KIF13A: variants seen among roughly 807,000 people sequenced by gnomAD.
The protein encoded by KIF13A is kinesin-like protein KIF13A.
KIF13A carries 79 observed loss-of-function variants against 212.2 expected under a neutral mutation model. That is an observed-to-expected ratio of 0.37 (90% CI 0.31 to 0.45). The LOEUF (loss-of-function observed/expected upper bound fraction) is 0.45, where lower values mean the gene tolerates loss of function less well. Among genes scored for constraint, KIF13A ranks in the 20% least tolerant of loss-of-function variants. KIF13A has a pLI of 1.00. For missense variants in KIF13A, 1,901 were observed against 2,209.0 expected (o/e 0.86, Z 2.79); for synonymous variants, 789 against 808.6 (o/e 0.98, Z 0.41).
intron 2 of KIF13A, among the ~76,000 whole-genome samples, chr6:17,943,537 C>T (rs188432901): frequency 1.7e-4 from 26 of 151,910 alleles, no homozygotes; most frequent in Admixed American, 8.5e-4. Flanking sequence ...TGTGAACCAC[C>T]GCACCCAGCC....
At position 17,856,184 on chromosome 6, in the gene KIF13A, G is replaced by T; in HGVS notation, c.221-62C>A. On this transcript the variant is annotated intron_variant, in intron 4 of 38. Transcript: ENST00000259711. The surrounding 1 kb of genome is among the most constrained non-coding windows in gnomAD (Gnocchi z 4.5). ...GAATAATTTTTCTTGACATATTTGTGTTAGTAACAATATTATGTCAATTCA... is the reference window on the plus strand; with the variant it reads ...GAATAATTTTTCTTGACATATTTGTTTTAGTAACAATATTATGTCAATTCA... 1 of 1,153,414 alleles carries T rather than the reference G, an allele frequency of 8.7e-7. No homozygotes were observed. Among genetic ancestry groups the T allele is most frequent in the Non-Finnish European group, 1.3e-6 (1 of 784,312 alleles). 71.4% of individuals were successfully genotyped at this position (1,153,414 alleles called of 1,614,324 possible). A position where few individuals can be genotyped will look rare whatever the true frequency, so the allele number is the denominator to read the frequency against.
At chr6:17,983,658 T>A (rs111539042) in intron 2 of KIF13A, among the ~76,000 whole-genome samples, 1,813 of 152,094 alleles carry the variant, frequency 0.012, 29 homozygotes, top group African/African-American at 0.042. Flanking sequence ...CGGCTAATTT[T>A]TATATTTTTA....
rs541125345 is a variant in KIF13A at position 17,799,334 on chromosome 6, C to T, written c.2722G>A (p.Val908Met). The part of the protein sequence containing the change: ...QCESTVAAPV[V>M]DPEVPSPQSK... ...TGTGGTGAAGGCACCTCGGGGTCCA[C>T]CACCGGGGCAGCCACCGTAGACTCA... The change falls in exon 22 of 39, where the codon GTG becomes ATG. Residue 908 changes from valine (V) to methionine (M), a missense_variant. By Grantham distance (21) the Val-to-Met change is conservative. Around this residue, in one of 5 missense-constraint regions of KIF13A, gnomAD observed 534 missense variants for 536.9 expected, o/e 0.99. Coordinates refer to ENST00000259711, the MANE Select transcript of KIF13A (RefSeq NM_022113.6). This position sits in a 1 kb window ranked among gnomAD's most constrained non-coding sequence, Gnocchi z 4.4. 113 of 1,613,302 alleles carry T rather than the reference C, an allele frequency of 7.0e-5. 3 individuals are homozygous for T. In the South Asian group the frequency reaches 1.2e-3, roughly 17 times the overall value.
At position 17,873,092 on chromosome 6, in the gene KIF13A, A is replaced by G. The variant is rs185469501; in HGVS notation, c.220+285T>C. On this transcript the variant is annotated intron_variant, in intron 4 of 38. Coordinates refer to ENST00000259711, the MANE Select transcript of KIF13A (RefSeq NM_022113.6). ...GGAAAGCCTATGGTCATAAATTATA[A>G]AACAGCAGTCATTTGTGTTGGATGG... Among the ~76,000 whole-genome samples the G allele has an allele frequency of 1.0e-3, 157 of 152,342 alleles. 1 individual carries two copies. The highest frequency in any genetic ancestry group is 3.4e-3 in the African/African-American group (141 of 41,576).
rs61281213 is a variant in KIF13A at position 17,833,014 on chromosome 6, C to CAA, written c.1266+945_1266+946dup. ...GGGCGACAGAGAGAGACTCTGTCTG[C>CAA]AAAAAAAAAAAAAAAAAAAAAAAAA... On this transcript the variant is annotated intron_variant, in intron 12 of 38. Coordinates refer to ENST00000259711, the MANE Select transcript of KIF13A (RefSeq NM_022113.6). Among the ~76,000 whole-genome samples the CAA allele has an allele frequency of 8.6e-4, 65 of 75,386 alleles. 7 individuals are homozygous for CAA. The highest frequency in any genetic ancestry group is 9.6e-4 in the Non-Finnish European group (40 of 41,754). 49.5% of individuals were successfully genotyped at this position (75,386 alleles called of 152,430 possible).
chr6:17,831,451 C>G (rs1026342693), intron 12 of KIF13A, among the ~76,000 whole-genome samples: 1 of 151,690 alleles, frequency 6.6e-6, no homozygotes, highest in East Asian at 1.9e-4. Flanking sequence ...CATTTTGGCT[C>G]TTAAGGAGCT....
At chr6:17,880,177 T>C (rs1211603638) in intron 3 of KIF13A, among the ~76,000 whole-genome samples, 1 of 152,088 alleles carries the variant, frequency 6.6e-6, no homozygotes, top group African/African-American at 2.4e-5. Context: ...TAGTCTCGAA[T>C]TCTCCTAGCC....
chr6:17,913,126 A>T (rs1335313335), intron 2 of KIF13A, among the ~76,000 whole-genome samples: 3 of 151,824 alleles, frequency 2.0e-5, no homozygotes, highest in Non-Finnish European at 4.4e-5. Context: ...TATTTTAAGC[A>T]TCTTGTAGCT....
intron 9 of KIF13A, among the ~76,000 whole-genome samples, chr6:17,841,960 C>T (rs887599771): frequency 6.6e-6 from 1 of 151,406 alleles, no homozygotes; most frequent in African/African-American, 2.4e-5. Flanking sequence ...CACACACACA[C>T]ATACATGTAA....
At position 17,838,160 on chromosome 6, in the gene KIF13A, A is replaced by G. The variant is rs1439291936; in HGVS notation, c.831-577T>C. On this transcript the variant is annotated intron_variant, in intron 9 of 38. Transcript: ENST00000259711. This position sits in a 1 kb window ranked among gnomAD's most constrained non-coding sequence, Gnocchi z 4.2. ...AACATGGTGAAACCCCATCTCTACT[A>G]AAAATACAAAAATTGCCAGGCGTGG... is the stretch of plus-strand genomic sequence containing the variant. Among the ~76,000 whole-genome samples the G allele has an allele frequency of 2.6e-5, 4 of 151,854 alleles. No homozygotes were observed. The highest frequency in any genetic ancestry group is 9.7e-5 in the African/African-American group (4 of 41,296).
At chr6:17,894,590 C>T (rs1475442212) in intron 3 of KIF13A, among the ~76,000 whole-genome samples, 1 of 152,048 alleles carries the variant, frequency 6.6e-6, no homozygotes, top group Non-Finnish European at 1.5e-5. Flanking sequence ...TCCCCACTCC[C>T]TACTGTTAAG....
intron 2 of KIF13A, among the ~76,000 whole-genome samples, chr6:17,941,723 C>T (rs1776970049): frequency 6.6e-6 from 1 of 151,406 alleles, no homozygotes; most frequent in Non-Finnish European, 1.5e-5. Flanking sequence ...AACATGGGTA[C>T]CCATGTTGAA....
At chr6:17,866,892 T>C (rs537533739) in intron 4 of KIF13A, among the ~76,000 whole-genome samples, 1 of 146,070 alleles carries the variant, frequency 6.8e-6, no homozygotes, top group East Asian at 2.0e-4. Context: ...CACACACATA[T>C]ATATACACTT....
intron 3 of KIF13A, among the ~76,000 whole-genome samples, chr6:17,878,250 A>C (rs4716199): frequency 0.57 from 87,240 of 152,032 alleles, 25,150 homozygotes; most frequent in Middle Eastern, 0.63. Flanking sequence ...TGACAGCCAG[A>C]TGGAATAGCA....
At chr6:17,910,612 TTAAC>T (rs1195191039) in intron 2 of KIF13A, among the ~76,000 whole-genome samples, 2 of 152,246 alleles carry the variant, frequency 1.3e-5, no homozygotes, top group South Asian at 2.1e-4. Flanking sequence ...ATTTTTTAAA[TTAAC>T]TGTTAGTTTT....
chr6:17,866,909 A>T (rs2150424365), intron 4 of KIF13A, among the ~76,000 whole-genome samples: 1 of 148,628 alleles, frequency 6.7e-6, no homozygotes, highest in African/African-American at 2.5e-5. Context: ...ACTTAAAAAA[A>T]TTTAACACGA....
chr6:17,973,064 G>C (rs1339781243), intron 2 of KIF13A, among the ~76,000 whole-genome samples: 1 of 152,174 alleles, frequency 6.6e-6, no homozygotes, highest in Non-Finnish European at 1.5e-5. Context: ...GTGGAAGATA[G>C]GAAATATTGG....
chr6:17,953,127 T>C (rs1778022327), intron 2 of KIF13A, among the ~76,000 whole-genome samples: 1 of 152,014 alleles, frequency 6.6e-6, no homozygotes, highest in South Asian at 2.1e-4. Context: ...TTATCATTCA[T>C]CCATATAATA....
At chr6:17,869,587 A>G (rs1769808542) in intron 4 of KIF13A, among the ~76,000 whole-genome samples, 1 of 152,176 alleles carries the variant, frequency 6.6e-6, no homozygotes, top group Non-Finnish European at 1.5e-5. Flanking sequence ...AGTCTGACTT[A>G]AGAGCCCATA....
Sources: gnomAD v4.1 joint callset for allele counts (sites outside exome capture counted in the v4.1 genomes callset) on GRCh38, gnomAD v4.1.1 for gene constraint, gnomAD v4.1.1 regional missense constraint, Gnocchi (gnomAD v3.1) non-coding constraint, MANE v1.5 for transcripts, NCBI Gene and HGNC (gene_info 2026-07-23, HGNC 2026-07-21) for gene names.